Variants in ARVCF observed in about 807,000 individuals in gnomAD.
The protein encoded by ARVCF is splicing regulator ARVCF.
A neutral mutation model predicts 90.9 loss-of-function variants in ARVCF; 66 were observed. The observed-to-expected ratio is 0.73, with a 90% confidence interval of 0.60 to 0.89. ARVCF has a LOEUF of 0.89. Ranked by LOEUF, ARVCF falls within the 40% of genes least tolerant of loss-of-function variation. ARVCF has a pLI of 0.00. For missense variants in ARVCF, 1,469 were observed against 1,382.3 expected, an observed-to-expected ratio of 1.06 and a Z score of -1.00; for synonymous variants, 653 against 603.4, an observed-to-expected ratio of 1.08 and a Z score of -1.21.
intron 3 of ARVCF, among the ~76,000 whole-genome samples, chr22:19,983,409 T>C (rs1221590712): frequency 6.6e-6 from 1 of 152,222 alleles, no homozygotes; most frequent in South Asian, 2.1e-4. Context: ...CCTCAGGACC[T>C]GCCTGCCAAG....
chr22:20,002,189 G>A (rs921121975), intron 2 of ARVCF, among the ~76,000 whole-genome samples: 5 of 152,204 alleles, frequency 3.3e-5, no homozygotes, highest in Admixed American at 1.3e-4. Context: ...AGGAAGTCAC[G>A]GATGTGTCTA....
chr22:19,972,598 G>A lies in ARVCF; in HGVS notation c.2641+139C>T, dbSNP rs887137911. On this transcript the variant is annotated intron_variant, in intron 16 of 19. Transcript: ENST00000263207. Reference sequence around the variant, plus strand: ...GATGCTGTGGGAAGGGAGTAGCCAAGAGGCAGAGGGCAGGGAAAGTGGCCT... The same window carrying A: ...GATGCTGTGGGAAGGGAGTAGCCAAAAGGCAGAGGGCAGGGAAAGTGGCCT... 1.7e-5 allele frequency: 20 copies of A among 1,154,632 alleles called. No homozygotes were observed. In the Admixed American group the frequency reaches 5.1e-4, roughly 29 times the overall value. 71.5% of individuals were successfully genotyped at this position (1,154,632 alleles called of 1,614,324 possible).
chr22:19,981,892 C>T (rs1943524808), intron 4 of ARVCF, 41 bp downstream of exon 4: 4 of 1,603,560 alleles, frequency 2.5e-6, no homozygotes, highest in Non-Finnish European at 3.4e-6. Context: ...CTGCAGCAGC[C>T]TGGCCCTGCT....
rs1239765747 is a variant in ARVCF at position 19,970,701 on chromosome 22, T to G, written c.*55A>C. On this transcript the variant is annotated 3_prime_UTR_variant, in exon 20 of 20. Coordinates refer to ENST00000263207, the MANE Select transcript of ARVCF (RefSeq NM_001670.3). ...CACGATCTGCTCAGGGTGGCCCTTC[T>G]TCCACGATCCAAGCCCTAAGAACAA... The G allele has an allele frequency of 7.8e-7, 1 of 1,286,450 alleles. No individual in the cohort carries two copies. The highest frequency in any genetic ancestry group is 1.0e-6 in the Non-Finnish European group (1 of 987,930). The allele number at this position is 1,286,450 out of a possible 1,614,324, so 79.7% of individuals were successfully genotyped here.
chr22:19,972,002 G>A (rs765882627), intron 17 of ARVCF, 31 bp from the exon 18 acceptor site: 2 of 1,565,028 alleles, frequency 1.3e-6, no homozygotes, highest in Non-Finnish European at 1.7e-6. Flanking sequence ...GGCATGAGGG[G>A]CGCTCTGAGG....
chr22:19,968,862 C>T, downstream of ARVCF: 4 of 855,848 alleles, frequency 4.7e-6, no homozygotes, highest in Non-Finnish European at 7.5e-6. Context: ...TCGGCCGAGG[C>T]CTGCGCCCTG....
intron 18 of ARVCF, 84 bp downstream of exon 18, chr22:19,971,801 AC>A: frequency 6.9e-7 from 1 of 1,443,600 alleles, no homozygotes. Context: ...CCCAGACCAG[AC>A]CCAGCATGGC....
chr22:19,973,763 T>C lies in ARVCF; in HGVS notation c.2119A>G (p.Lys707Glu), dbSNP rs543942340. 1.3e-5 allele frequency: 21 copies of C among 1,607,570 alleles called. No homozygotes were observed. In the South Asian group the frequency reaches 2.2e-4, roughly 17 times the overall value. Residue 707 changes from lysine (K) to glutamate (E), a missense_variant, in exon 13 of 20, where the codon AAA (lysine) becomes GAA (glutamate). Lys to Glu is a moderately conservative substitution (Grantham distance 56). Transcript: ENST00000263207. ...WATYIRATVR[K>E]ERGLPVLVEL... ...ACAAGCACCGGCAGCCCGCGCTCTT[T>C]GCGCACTGTGGCGCGGATGTACGTG...
rs759883209 is a variant in ARVCF, at chr22:19,990,750, C to T, written c.45G>A (p.Ser15=). 1.0e-5 allele frequency: 16 copies of T among 1,588,962 alleles called. No individual in the cohort carries two copies. The highest frequency in any genetic ancestry group is 5.7e-5 in the South Asian group (5 of 87,996). Residue 15 remains serine, a synonymous_variant, in exon 3 of 20, where the codon TCG becomes TCA. Coordinates refer to ENST00000263207, the MANE Select transcript of ARVCF (RefSeq NM_001670.3). Reference sequence around the variant, plus strand: ...CGAAGCGGGCCTCCTGCTCCTTCACCGAGGCCAGGATGCTGGCGGCCGAGT... The same window carrying T: ...CGAAGCGGGCCTCCTGCTCCTTCACTGAGGCCAGGATGCTGGCGGCCGAGT... ...NVHSAASILA[S]VKEQEARFER... is the part of the protein sequence containing the mutation.
At chr22:19,986,148 C>T (rs1943753183) in intron 3 of ARVCF, among the ~76,000 whole-genome samples, 1 of 152,366 alleles carries the variant, frequency 6.6e-6, no homozygotes, top group Non-Finnish European at 1.5e-5. Context: ...GGCTGACTGT[C>T]ATCCACCTCA....
At position 19,972,245 on chromosome 22, in the gene ARVCF, C is replaced by T. The variant is rs1053668914; in HGVS notation, c.2695+113G>A. ...CCTCACCCTCTAAGCACCCCTAAAC[C>T]AAATATCTCTCCTCCACCCAGCACC... is the stretch of plus-strand genomic sequence containing the variant. On this transcript the variant is annotated intron_variant, in intron 17 of 19. Coordinates refer to ENST00000263207, the MANE Select transcript of ARVCF (RefSeq NM_001670.3). The T allele has an allele frequency of 3.2e-5, 47 of 1,460,322 alleles. No individual in the cohort carries two copies. In the African/African-American group the frequency reaches 5.6e-4, roughly 17 times the overall value. The allele number at this position is 1,460,322 out of a possible 1,614,324, so 90.5% of individuals were successfully genotyped here.
intron 16 of ARVCF, 31 bp from the exon 17 acceptor site, chr22:19,972,442 T>C (rs1942867460): frequency 1.2e-6 from 2 of 1,612,474 alleles, no homozygotes; most frequent in Non-Finnish European, 1.7e-6. Context: ...ACGGGCTGCA[T>C]GTGGCAGCCA....
In ARVCF at chr22:19,982,054, A is replaced by G; in HGVS notation, c.248T>C (p.Met83Thr). 6.2e-7 allele frequency: 1 copy of G among 1,612,690 alleles called. No individual in the cohort carries two copies. Among genetic ancestry groups the G allele is most frequent in the Non-Finnish European group, 8.5e-7 (1 of 1,179,936 alleles). The change falls in exon 4 of 20, where the codon ATG (methionine) becomes ACG (threonine). Residue 83 changes from methionine to threonine, a missense_variant. Physicochemically the swap from Met to Thr is moderately conservative, Grantham distance 81. Coordinates refer to ENST00000263207, the MANE Select transcript of ARVCF (RefSeq NM_001670.3). ...CTCCAGCACATCAGGTGCCTCCGGC[A>G]TCGTGGCCAGTGAGGCCTGGCTGCC... ...SPGSQASLAT[M>T]PEAPDVLEET...
Position 19,973,811 on chromosome 22 carries a change from G to A in ARVCF, c.2089-18C>T. 6.9e-6 allele frequency: 11 copies of A among 1,594,982 alleles called. No individual in the cohort carries two copies. The highest frequency in any genetic ancestry group is 9.4e-6 in the Non-Finnish European group (11 of 1,173,522). Reference sequence around the variant, plus strand: ...GTGGCCCACTGCGGAGGCGGGGAGAGGGTTGCTCAGACATACATGCCAGGC... The same window carrying A: ...GTGGCCCACTGCGGAGGCGGGGAGAAGGTTGCTCAGACATACATGCCAGGC... On this transcript the variant is annotated intron_variant, in intron 12 of 19. Transcript: ENST00000263207.
At chr22:20,013,875 T>A (rs1372542228) in intron 1 of ARVCF, among the ~76,000 whole-genome samples, 2 of 152,040 alleles carry the variant, frequency 1.3e-5, no homozygotes, top group Non-Finnish European at 2.9e-5. Context: ...TTGTGGGTAT[T>A]TTTTTTTCTT....
intron 9 of ARVCF, 51 bp downstream of exon 9, chr22:19,977,364 T>C (rs1943213929): frequency 6.8e-7 from 1 of 1,466,180 alleles, no homozygotes; most frequent in Non-Finnish European, 9.0e-7. Context: ...AGCCTTCCGC[T>C]GGGGCAGGAG....
chr22:19,981,625 C>T lies in ARVCF; in HGVS notation c.482G>A (p.Gly161Asp). ...GGPPLGPFAD[G>D]ALDRHFLLRG... ...CAGCAGGAAATGCCGGTCCAGGGCA[C>T]CATCTGCAAAAGGGCCTAGTGGGGG... The change falls in exon 5 of 20, where the codon GGT becomes GAT. Residue 161 changes from glycine to aspartate, a missense_variant. Gly to Asp is a moderately conservative substitution (Grantham distance 94). Coordinates refer to ENST00000263207, the MANE Select transcript of ARVCF (RefSeq NM_001670.3). The T allele has an allele frequency of 6.2e-7, 1 of 1,608,838 alleles. No homozygotes were observed. Among genetic ancestry groups the T allele is most frequent in the Non-Finnish European group, 8.5e-7 (1 of 1,179,808 alleles).
chr22:19,987,274 C>CGG lies in ARVCF; in HGVS notation c.210+3309_210+3310dup, dbSNP rs915616197. On this transcript the variant is annotated intron_variant, in intron 3 of 19. Coordinates refer to ENST00000263207, the MANE Select transcript of ARVCF (RefSeq NM_001670.3). ...GGGGCCGCGCCCAGGTGGGGCGTGG[C>CGG]GGGGGCCGGGGTGGGCGTGGCGGGC... The CGG allele has an allele frequency of 4.7e-3, 182 of 38,436 alleles. 1 individual carries two copies. Among genetic ancestry groups the CGG allele is most frequent in the African/African-American group, 0.016 (158 of 10,176 alleles). 2.4% of individuals were successfully genotyped at this position (38,436 alleles called of 1,614,324 possible). A position where few individuals can be genotyped will look rare whatever the true frequency, so the allele number is the denominator to read the frequency against.
chr22:19,974,216 C>G lies in ARVCF; in HGVS notation c.1984G>C (p.Glu662Gln). 1 of 1,611,568 alleles carries G rather than the reference C, an allele frequency of 6.2e-7. No homozygotes were observed. The highest frequency in any genetic ancestry group is 8.5e-7 in the Non-Finnish European group (1 of 1,179,116). ...AGGGAGAGGTAGAGACGTACCACCT[C>G]GGGCTGGTACAGCAGCTCAAAGCCT... is the stretch of plus-strand genomic sequence containing the variant. ...AKGFELLYQPEVVRLYLSLLT... is the reference protein window; with the variant it reads ...AKGFELLYQPQVVRLYLSLLT... Residue 662 changes from glutamate to glutamine, a missense_variant, in exon 12 of 20, where the codon GAG (glutamate) becomes CAG (glutamine). Physicochemically the swap from Glu to Gln is conservative, Grantham distance 29. Coordinates refer to ENST00000263207, the MANE Select transcript of ARVCF (RefSeq NM_001670.3).
Sources: gnomAD v4.1 joint callset for allele counts (sites outside exome capture counted in the v4.1 genomes callset) on GRCh38, gnomAD v4.1.1 for gene constraint, MANE v1.5 for transcripts, NCBI Gene and HGNC (gene_info 2026-07-23, HGNC 2026-07-21) for gene names.